The following ASRGL1 variants were observed in gnomAD, a reference collection of about 807,000 sequenced individuals.
ASRGL1 encodes the protein isoaspartyl peptidase/L-asparaginase.
A neutral mutation model predicts 22.4 loss-of-function variants in ASRGL1; 16 were observed. That is an observed-to-expected ratio of 0.71 (90% CI 0.48 to 1.08). ASRGL1 has a LOEUF of 1.08. Ranked by LOEUF, ASRGL1 falls within the 50% of genes least tolerant of loss-of-function variation. The pLI is 0.00. For missense variants in ASRGL1, 412 were observed against 410.1 expected (o/e 1.00, Z -0.04); for synonymous variants, 165 against 159.3 (o/e 1.04, Z -0.27).
At chr11:62,341,088 C>G (rs190862244) in intron 2 of ASRGL1, among the ~76,000 whole-genome samples, 11 of 152,180 alleles carry the variant, frequency 7.2e-5, no homozygotes, top group Admixed American at 2.6e-4. Flanking sequence ...GATTGGCAAC[C>G]AAATGACCAT....
intron 4 of ASRGL1, among the ~76,000 whole-genome samples, chr11:62,386,467 A>ATCATAGATATGTACATATCATACATC (rs1947210048): frequency 6.7e-6 from 1 of 149,002 alleles, no homozygotes; most frequent in Non-Finnish European, 1.5e-5. Context: ...TATCATACAT[A>ATCATAGATATGTACATATCATACATC]TCATAGATAT....
chr11:62,355,743 GT>G (rs954481322), intron 2 of ASRGL1, among the ~76,000 whole-genome samples: 2 of 151,934 alleles, frequency 1.3e-5, no homozygotes, highest in African/African-American at 4.8e-5. Context: ...AAGGTCTCTG[GT>G]TTTCCTAGGC....
intron 2 of ASRGL1, among the ~76,000 whole-genome samples, chr11:62,349,168 C>G (rs1946110351): frequency 6.6e-6 from 1 of 152,078 alleles, no homozygotes; most frequent in Admixed American, 6.6e-5. Flanking sequence ...GGGGTTTCAC[C>G]ATGTTGGCCA....
chr11:62,362,721 TTA>T (rs1326894656), intron 4 of ASRGL1, among the ~76,000 whole-genome samples: 3 of 75,088 alleles, frequency 4.0e-5, no homozygotes, highest in Admixed American at 5.0e-4. Flanking sequence ...ATATTATATG[TTA>T]TATATAAAAT....
intron 2 of ASRGL1, among the ~76,000 whole-genome samples, chr11:62,340,690 GA>G (rs141201733): frequency 3.8e-4 from 58 of 152,304 alleles, no homozygotes; most frequent in African/African-American, 1.3e-3. Flanking sequence ...GAGTAGAGCT[GA>G]AAAGAGGGAA....
chr11:62,355,742 G>A (rs1489149543), intron 2 of ASRGL1, among the ~76,000 whole-genome samples: 1 of 151,616 alleles, frequency 6.6e-6, no homozygotes, highest in Non-Finnish European at 1.5e-5. Flanking sequence ...AAAGGTCTCT[G>A]GTTTTCCTAG....
chr11:62,370,631 C>T (rs984563834), intron 4 of ASRGL1, among the ~76,000 whole-genome samples: 1 of 152,132 alleles, frequency 6.6e-6, no homozygotes, highest in African/African-American at 2.4e-5. Flanking sequence ...TCACTATTAA[C>T]AGCTGGACTC....
chr11:62,337,929 C>G lies in ASRGL1; in HGVS notation c.-49C>G. On this transcript the variant is annotated 5_prime_UTR_variant, in exon 2 of 7. Coordinates refer to ENST00000415229, the MANE Select transcript of ASRGL1 (RefSeq NM_001083926.2). ...CTTGTACCCGCGCGGCTTCCTTGGG[C>G]TGGCTTTGGACGACGCTTTCGCCTT... 1.3e-6 allele frequency: 2 copies of G among 1,548,876 alleles called. No homozygotes were observed. Among genetic ancestry groups the G allele is most frequent in the South Asian group, 2.4e-5 (2 of 83,550 alleles).
In ASRGL1 at chr11:62,389,385, G is replaced by C. The variant is rs529677634; in HGVS notation, c.610+134G>C. ...TTTTGGTGCAGCTCCAGGATGTCTG[G>C]GAGTGACAATGGGGTTGGAAGGGGT... On this transcript the variant is annotated intron_variant, in intron 5 of 6. Transcript: ENST00000415229. 28 of 899,644 alleles carry C rather than the reference G, an allele frequency of 3.1e-5. No homozygotes were observed. The African/African-American group carries it at 4.4e-4, about 14-fold the overall frequency. 55.7% of individuals were successfully genotyped at this position (899,644 alleles called of 1,614,324 possible).
rs201840661 is a variant in ASRGL1, at chr11:62,389,230, G to A, written c.589G>A (p.Val197Ile). Residue 197 changes from valine to isoleucine, a missense_variant, in exon 5 of 7, where the codon GTT (valine) becomes ATT (isoleucine). Transcript: ENST00000415229. ...TATCGTTAATAAAATGGTCGGCCGCGTTGGGGACTCACCGTGTCTAGGTAG... is the reference window on the plus strand; with the variant it reads ...TATCGTTAATAAAATGGTCGGCCGCATTGGGGACTCACCGTGTCTAGGTAG... ...GGIVNKMVGR[V>I]GDSPCLGAGG... 3.7e-4 allele frequency: 601 copies of A among 1,614,074 alleles called. 1 individual carries two copies. Among genetic ancestry groups the A allele is most frequent in the Non-Finnish European group, 4.5e-4 (529 of 1,179,972 alleles).
intron 2 of ASRGL1, among the ~76,000 whole-genome samples, chr11:62,348,869 G>A (rs1946100084): frequency 6.6e-6 from 1 of 152,158 alleles, no homozygotes; most frequent in Admixed American, 6.5e-5. Flanking sequence ...ATCTGCAGTA[G>A]TGGTGGTACC....
intron 4 of ASRGL1, among the ~76,000 whole-genome samples, chr11:62,384,231 G>A (rs561639349): frequency 1.1e-4 from 16 of 151,932 alleles, no homozygotes; most frequent in East Asian, 1.9e-4. Context: ...AAGTCCGGGC[G>A]CAGTGGCTCA....
intron 4 of ASRGL1, among the ~76,000 whole-genome samples, chr11:62,378,162 T>C (rs1231621268): frequency 6.6e-6 from 1 of 152,170 alleles, no homozygotes; most frequent in Middle Eastern, 3.2e-3. Context: ...TTAATGTGTC[T>C]TTTCTTATTT....
At chr11:62,346,829 G>T (rs370992466) in intron 2 of ASRGL1, among the ~76,000 whole-genome samples, 1 of 152,042 alleles carries the variant, frequency 6.6e-6, no homozygotes, top group African/African-American at 2.4e-5. Context: ...AATTAGCCTC[G>T]CATGGTGGTG....
chr11:62,343,377 C>CAAAAA (rs35798082), intron 2 of ASRGL1, among the ~76,000 whole-genome samples: 50 of 86,328 alleles, frequency 5.8e-4, no homozygotes, highest in African/African-American at 2.2e-3. Context: ...GACCCTGTCT[C>CAAAAA]AAAAAAAAAA....
chr11:62,372,199 C>T (rs1476127043), intron 4 of ASRGL1: 16 of 1,134,076 alleles, frequency 1.4e-5, no homozygotes, highest in African/African-American at 3.0e-5. Context: ...CCAGACTCAC[C>T]GAGGGTCTCA....
chr11:62,349,569 C>T (rs189471451), intron 2 of ASRGL1, among the ~76,000 whole-genome samples: 1 of 152,182 alleles, frequency 6.6e-6, no homozygotes, highest in Admixed American at 6.5e-5. Flanking sequence ...GACATCCTCC[C>T]TAACAACTAG....
chr11:62,393,964 C>G (rs1397603384), downstream of ASRGL1, among the ~76,000 whole-genome samples: 2 of 148,790 alleles, frequency 1.3e-5, no homozygotes, highest in South Asian at 2.1e-4. Context: ...CTCTATATGT[C>G]CTAATCCCCT....
Position 62,379,816 on chromosome 11 carries a change from AGGGC to A in ASRGL1, c.492-9316_492-9313del, listed in dbSNP as rs1947019277. Among the ~76,000 whole-genome samples the A allele has an allele frequency of 2.0e-5, 3 of 152,308 alleles. No individual in the cohort carries two copies. The South Asian group carries it at 6.2e-4, about 32-fold the overall frequency. ...TGTCCCTGAAAACCCTGAGGAACAA[AGGGC>A]TGAACTGGGAATGCCCCAGTTTGTT... On this transcript the variant is annotated intron_variant, in intron 4 of 6. Coordinates refer to ENST00000415229, the MANE Select transcript of ASRGL1 (RefSeq NM_001083926.2).
Sources: gnomAD v4.1 joint callset for allele counts (sites outside exome capture counted in the v4.1 genomes callset) on GRCh38, gnomAD v4.1.1 for gene constraint, MANE v1.5 for transcripts, NCBI Gene and HGNC (gene_info 2026-07-23, HGNC 2026-07-21) for gene names.